The following IDE variants were observed in gnomAD, a reference collection of about 807,000 sequenced individuals.
The protein encoded by IDE is insulin degrading enzyme.
IDE carries 58 observed loss-of-function variants against 133.2 expected under a neutral mutation model. The ratio of observed to expected loss-of-function variants is 0.44; its 90% CI spans 0.35 to 0.54. IDE has a LOEUF of 0.54. IDE is among the 20% of genes least tolerant of loss of function. IDE has a pLI of 0.00. For missense variants in IDE, 981 were observed against 1,234.0 expected, an observed-to-expected ratio of 0.79 and a Z score of 3.07; for synonymous variants, 396 against 421.3, an observed-to-expected ratio of 0.94 and a Z score of 0.73.
In IDE at chr10:92,506,470, T is replaced by C. The variant is rs200912671; in HGVS notation, c.1298A>G (p.Tyr433Cys). 49 of 1,590,246 alleles carry C rather than the reference T, an allele frequency of 3.1e-5. No individual in the cohort carries two copies. Among genetic ancestry groups the C allele is most frequent in the South Asian group, 7.8e-5 (7 of 89,906 alleles). ...RFKDKERPRG[Y>C]TSKIAGILHY... ...CAATATTCCTGCAATCTTAGATGTA[T>C]AGCCCCGTGGCCTCTCTTTGTCTTT... The change falls in exon 10 of 25, where the codon TAT becomes TGT. Residue 433 changes from tyrosine to cysteine, a missense_variant. Physicochemically the swap from Tyr to Cys is radical, Grantham distance 194 (BLOSUM62 -2). This residue lies in a region of IDE where 660 missense variants were observed against 894.7 expected (regional missense o/e 0.74). Transcript: ENST00000265986.
rs114527401 is a variant in IDE, at chr10:92,514,077, C to G, written c.784+843G>C. Reference sequence around the variant, plus strand: ...TTTTCGCTAATATGTACTATACTGACAGAAACATCCTTTTATATCTCCTAT... The same window carrying G: ...TTTTCGCTAATATGTACTATACTGAGAGAAACATCCTTTTATATCTCCTAT... On this transcript the variant is annotated intron_variant, in intron 5 of 24. Coordinates refer to ENST00000265986, the MANE Select transcript of IDE (RefSeq NM_004969.4). Among the ~76,000 whole-genome samples the G allele has an allele frequency of 2.7e-3, 404 of 152,264 alleles. 1 individual carries two copies. Among genetic ancestry groups the G allele is most frequent in the African/African-American group, 9.3e-3 (387 of 41,552 alleles).
At chr10:92,524,470 A>ATATATAATATATATTATATATTT in intron 4 of IDE, among the ~76,000 whole-genome samples, 1 of 49,072 alleles carries the variant, frequency 2.0e-5, no homozygotes, top group South Asian at 4.2e-4. Flanking sequence ...ATTTTATATA[A>ATATATAATATATATTATATATTT]TATATAATAT....
At chr10:92,459,631 AT>A (rs1392384538) in intron 22 of IDE, among the ~76,000 whole-genome samples, 3 of 152,126 alleles carry the variant, frequency 2.0e-5, no homozygotes, top group African/African-American at 7.2e-5. Context: ...GCATATGAGT[AT>A]TTTACACAAA....
chr10:92,560,645 T>C (rs1421017912), intron 1 of IDE, among the ~76,000 whole-genome samples: 1 of 151,992 alleles, frequency 6.6e-6, no homozygotes, highest in Non-Finnish European at 1.5e-5. Flanking sequence ...TAGCCAGGCA[T>C]GGTGGTGCGC....
chr10:92,476,935 A>G (rs1846287699), intron 15 of IDE, among the ~76,000 whole-genome samples: 1 of 151,908 alleles, frequency 6.6e-6, no homozygotes, highest in African/African-American at 2.4e-5. Flanking sequence ...AGAGTTTAAG[A>G]CCAACCTGGG....
intron 1 of IDE, among the ~76,000 whole-genome samples, chr10:92,556,457 T>A (rs557364765): frequency 6.6e-6 from 1 of 151,782 alleles, no homozygotes; most frequent in African/African-American, 2.4e-5. Flanking sequence ...ACCCTGTCTC[T>A]ACAAAAAATA....
intron 4 of IDE, among the ~76,000 whole-genome samples, chr10:92,524,368 ATATATAT>A (rs1849426372): frequency 9.7e-5 from 1 of 10,288 alleles, no homozygotes; most frequent in Admixed American, 1.7e-3. Flanking sequence ...TTATATTATA[ATATATAT>A]TATATATAAT....
At chr10:92,510,269 GA>G in intron 5 of IDE, 107 bp from the exon 6 acceptor site, 1 of 515,532 alleles carries the variant, frequency 1.9e-6, no homozygotes, top group Non-Finnish European at 3.5e-6. Flanking sequence ...CTACTGAAAG[GA>G]AAATGTGAAA....
At chr10:92,560,852 T>C (rs1843247033) in intron 1 of IDE, among the ~76,000 whole-genome samples, 1 of 151,880 alleles carries the variant, frequency 6.6e-6, no homozygotes, top group Non-Finnish European at 1.5e-5. Flanking sequence ...CTCAGGCTGA[T>C]AGCTCCACTT....
At chr10:92,549,077 T>C (rs546359212) in intron 1 of IDE, among the ~76,000 whole-genome samples, 9 of 151,928 alleles carry the variant, frequency 5.9e-5, no homozygotes, top group African/African-American at 1.9e-4. Context: ...GGCCAACATA[T>C]TGAAACACTG....
intron 1 of IDE, chr10:92,559,222 A>C (rs975363965): frequency 6.6e-6 from 1 of 152,222 alleles, no homozygotes; most frequent in African/African-American, 2.4e-5. Flanking sequence ...GTTCCTGAAA[A>C]GGTTAAACAC....
At chr10:92,503,426 C>T (rs1352279818) in intron 11 of IDE, among the ~76,000 whole-genome samples, 1 of 152,136 alleles carries the variant, frequency 6.6e-6, no homozygotes, top group Non-Finnish European at 1.5e-5. Context: ...TCTGCCTTGG[C>T]TTCCCAAAAA....
In IDE at chr10:92,530,864, T is replaced by C. The variant is rs187802422; in HGVS notation, c.661+884A>G. On this transcript the variant is annotated intron_variant, in intron 4 of 24. Coordinates refer to ENST00000265986, the MANE Select transcript of IDE (RefSeq NM_004969.4). ...GGATACATTAGGATGATATCCAAAC[T>C]TAAAGAAAGTTGTCTTTATGGTTTT... Among the ~76,000 whole-genome samples, 289 of 152,328 alleles carry C rather than the reference T, an allele frequency of 1.9e-3. 1 individual carries two copies. Among genetic ancestry groups the C allele is most frequent in the African/African-American group, 6.8e-3 (281 of 41,574 alleles).
chr10:92,533,552 C>T (rs1850061255), intron 3 of IDE, among the ~76,000 whole-genome samples: 1 of 152,034 alleles, frequency 6.6e-6, no homozygotes, highest in South Asian at 2.1e-4. Flanking sequence ...TACACCTTGG[C>T]ATCACAGAAA....
At chr10:92,488,705 A>G (rs1375661856) in intron 12 of IDE, among the ~76,000 whole-genome samples, 3 of 151,856 alleles carry the variant, frequency 2.0e-5, no homozygotes, top group Admixed American at 6.6e-5. Context: ...TGAACCTGGA[A>G]GGCAGAGGTT....
intron 20 of IDE, 45 bp downstream of exon 20, chr10:92,465,631 C>A (rs1250795410): frequency 1.3e-6 from 2 of 1,512,032 alleles, no homozygotes; most frequent in Non-Finnish European, 1.8e-6. Flanking sequence ...GAAAATAATT[C>A]ATCAAAGTCT....
At chr10:92,496,570 G>C (rs1355597359) in intron 11 of IDE, among the ~76,000 whole-genome samples, 1 of 152,142 alleles carries the variant, frequency 6.6e-6, no homozygotes, top group Non-Finnish European at 1.5e-5. Context: ...TGGATCACTT[G>C]AGGTCAGGAG....
At chr10:92,481,560 T>A (rs1171318670) in intron 14 of IDE, among the ~76,000 whole-genome samples, 1 of 152,236 alleles carries the variant, frequency 6.6e-6, no homozygotes, top group African/African-American at 2.4e-5. Flanking sequence ...ATGTGTTAAT[T>A]TTAAAAATAC....
chr10:92,493,997 T>C (rs1220681751), intron 11 of IDE, among the ~76,000 whole-genome samples: 1 of 152,190 alleles, frequency 6.6e-6, no homozygotes, highest in African/African-American at 2.4e-5. Flanking sequence ...ACCTATAGTA[T>C]ACACAACCGC....
Sources: allele counts gnomAD v4.1 joint callset (sites outside exome capture counted in the v4.1 genomes callset), GRCh38; gene constraint gnomAD v4.1.1; regional missense constraint gnomAD v4.1.1; transcripts MANE v1.5; gene names NCBI Gene and HGNC (gene_info 2026-07-23, HGNC 2026-07-21).